BCL7B: variants seen among roughly 807,000 people sequenced by gnomAD.
BCL7B encodes the protein B-cell CLL/lymphoma 7 protein family member B.
BCL7B carries 11 observed loss-of-function variants against 26.5 expected under a neutral mutation model. The ratio of observed to expected loss-of-function variants is 0.42; its 90% CI spans 0.26 to 0.69. The LOEUF (loss-of-function observed/expected upper bound fraction) is 0.69, where lower values mean the gene tolerates loss of function less well. Among genes scored for constraint, BCL7B ranks in the 30% least tolerant of loss-of-function variants. The probability of loss-of-function intolerance (pLI) is 0.28; values close to 1 mark genes in which losing one functional copy is unlikely to be tolerated. For missense variants in BCL7B, 215 were observed against 264.4 expected (o/e 0.81, Z 1.30); for synonymous variants, 111 against 107.9 (o/e 1.03, Z -0.18).
intron 4 of BCL7B, 100 bp downstream of exon 4, chr7:73,539,782 T>G (rs567830905): frequency 7.1e-7 from 1 of 1,410,124 alleles, no homozygotes; most frequent in African/African-American, 1.4e-5. Context: ...TGCCTGGCTC[T>G]GAGGTGCTCT....
At chr7:73,550,899 C>T (rs1290089779) in intron 2 of BCL7B, among the ~76,000 whole-genome samples, 3 of 152,108 alleles carry the variant, frequency 2.0e-5, no homozygotes, top group Admixed American at 6.6e-5. Flanking sequence ...CCTCGTGATC[C>T]GCCCGTCTCG....
intron 2 of BCL7B, among the ~76,000 whole-genome samples, chr7:73,547,294 C>T (rs1334757094): frequency 6.6e-6 from 1 of 150,872 alleles, no homozygotes; most frequent in East Asian, 2.0e-4. Context: ...AAGACCCTGT[C>T]TCTACAAATA....
At chr7:73,539,635 G>A (rs1791679054) in intron 4 of BCL7B, 2 of 448,010 alleles carry the variant, frequency 4.5e-6, no homozygotes, top group Admixed American at 3.4e-5. Context: ...GGATTTTTGA[G>A]AGAATTATAG....
intron 2 of BCL7B, among the ~76,000 whole-genome samples, chr7:73,549,739 A>G (rs1284702657): frequency 1.3e-5 from 2 of 152,230 alleles, no homozygotes; most frequent in Non-Finnish European, 2.9e-5. Flanking sequence ...CTGAGGTGGG[A>G]GGATTGCTTG....
chr7:73,542,181 C>A (rs150505971), intron 3 of BCL7B, among the ~76,000 whole-genome samples: 45 of 152,350 alleles, frequency 3.0e-4, no homozygotes, highest in African/African-American at 1.0e-3. Context: ...GTGCAACGCA[C>A]GGTACCTGCA....
chr7:73,552,157 CCA>C lies in BCL7B; in HGVS notation c.168+8_168+9del. ...GAAAATGGTATCTTTTGATTTTCTT[CCA>C]CACTTACCTCCTTGCTGTCTGTCAC... On this transcript the variant is annotated splice_region_variant and intron_variant, in intron 2 of 5. Coordinates refer to ENST00000223368, the MANE Select transcript of BCL7B (RefSeq NM_001707.4). 6.2e-7 allele frequency: 1 copy of C among 1,600,462 alleles called. No homozygotes were observed. The highest frequency in any genetic ancestry group is 1.7e-4 in the Middle Eastern group (1 of 6,030).
At chr7:73,540,871 G>A (rs1305267288) in intron 3 of BCL7B, among the ~76,000 whole-genome samples, 1 of 143,734 alleles carries the variant, frequency 7.0e-6, no homozygotes, top group African/African-American at 2.6e-5. Flanking sequence ...ACCAGGCCGA[G>A]TGCAGTGGCT....
chr7:73,554,682 C>T (rs1391208287), intron 1 of BCL7B, among the ~76,000 whole-genome samples: 2 of 151,490 alleles, frequency 1.3e-5, no homozygotes, highest in African/African-American at 2.4e-5. Flanking sequence ...CCTGTAGTCC[C>T]GACTACTCAG....
chr7:73,545,283 G>T (rs1274655921), intron 2 of BCL7B, among the ~76,000 whole-genome samples: 1 of 152,048 alleles, frequency 6.6e-6, no homozygotes, highest in Non-Finnish European at 1.5e-5. Flanking sequence ...CACAATCTCG[G>T]CTCACTGCAA....
chr7:73,552,178 C>G lies in BCL7B; in HGVS notation c.157G>C (p.Asp53His). ...LRIFKWVPVT[D>H]SKEKEKSKSN... ...TCTTCCACACTTACCTCCTTGCTGT[C>G]TGTCACAGGAACCCACTTAAATATC... Residue 53 changes from aspartate (D) to histidine (H), a missense_variant, in exon 2 of 6, where the codon GAC becomes CAC. Transcript: ENST00000223368. The G allele has an allele frequency of 6.2e-7, 1 of 1,609,788 alleles. No individual in the cohort carries two copies. Among genetic ancestry groups the G allele is most frequent in the Non-Finnish European group, 8.5e-7 (1 of 1,178,668 alleles).
At chr7:73,542,772 C>CT in intron 3 of BCL7B, 1 of 319,398 alleles carries the variant, frequency 3.1e-6, no homozygotes, top group Non-Finnish European at 6.5e-6. Context: ...GTAGCCTACT[C>CT]TAAGCGACTA....
intron 4 of BCL7B, 72 bp from the exon 5 acceptor site, chr7:73,538,085 G>C: frequency 1.0e-6 from 1 of 979,424 alleles, no homozygotes; most frequent in Non-Finnish European, 1.5e-6. Flanking sequence ...CTTCCTTAGA[G>C]CTGTGTGGAG....
intron 2 of BCL7B, among the ~76,000 whole-genome samples, chr7:73,550,341 T>G (rs1554583968): frequency 1.3e-5 from 2 of 151,678 alleles, no homozygotes; most frequent in Non-Finnish European, 2.9e-5. Flanking sequence ...AGGTCAGGAG[T>G]TTGGGACCAA....
Position 73,537,270 on chromosome 7 carries a change from G to T in BCL7B, c.*28C>A, listed in dbSNP as rs781978459. The T allele has an allele frequency of 3.1e-6, 5 of 1,610,418 alleles. No homozygotes were observed. In the Admixed American group the frequency reaches 8.3e-5, roughly 27 times the overall value. The stretch of plus-strand genomic sequence containing the variant: ...ACCAGAATGCAATAAATAGAGGCAG[G>T]GCCAGGAGGCGGAGGGCCGGGATGG... On this transcript the variant is annotated 3_prime_UTR_variant, in exon 6 of 6. Transcript: ENST00000223368.
intron 2 of BCL7B, among the ~76,000 whole-genome samples, chr7:73,550,709 G>C (rs1458849395): frequency 2.0e-5 from 3 of 151,086 alleles, no homozygotes; most frequent in African/African-American, 7.3e-5. Context: ...CCAGGCTGGA[G>C]TGCAGTGGTG....
chr7:73,538,240 T>G, intron 4 of BCL7B: 1 of 373,368 alleles, frequency 2.7e-6, no homozygotes, highest in African/African-American at 2.1e-5. Flanking sequence ...TGGAGATATC[T>G]GGAACCGACA....
intron 2 of BCL7B, among the ~76,000 whole-genome samples, chr7:73,548,459 C>T (rs1792037499): frequency 6.6e-6 from 1 of 151,762 alleles, no homozygotes; most frequent in South Asian, 2.1e-4. Flanking sequence ...GAAACAACAA[C>T]AACAAAAATT....
At chr7:73,540,829 C>CAAAAAAAAAAAAAAAAAA (rs56111929) in intron 3 of BCL7B, among the ~76,000 whole-genome samples, 2 of 50,942 alleles carry the variant, frequency 3.9e-5, no homozygotes, top group African/African-American at 1.6e-4. Context: ...GACTCTGTCT[C>CAAAAAAAAAAAAAAAAAA]AAAAAAAAAA....
At chr7:73,549,010 A>G (rs1792062122) in intron 2 of BCL7B, among the ~76,000 whole-genome samples, 1 of 152,220 alleles carries the variant, frequency 6.6e-6, no homozygotes, top group Non-Finnish European at 1.5e-5. Context: ...TGGTACAACT[A>G]CCATTTCAGC....
Sources: gnomAD v4.1 joint callset for allele counts (sites outside exome capture counted in the v4.1 genomes callset) on GRCh38, gnomAD v4.1.1 for gene constraint, MANE v1.5 for transcripts, NCBI Gene and HGNC (gene_info 2026-07-23, HGNC 2026-07-21) for gene names.